Variants in NELL1 observed in about 807,000 individuals in gnomAD.
NELL1 encodes protein kinase C-binding protein NELL1.
In NELL1, 76 loss-of-function variants were observed where a neutral mutation model predicts 107.4. That is an observed-to-expected ratio of 0.71 (90% CI 0.59 to 0.86). NELL1 has a LOEUF of 0.86. NELL1 is among the 40% of genes least tolerant of loss of function. The pLI is 0.00. For missense variants in NELL1, 1,024 were observed against 1,005.5 expected, an observed-to-expected ratio of 1.02 and a Z score of -0.25; for synonymous variants, 353 against 341.2, an observed-to-expected ratio of 1.03 and a Z score of -0.38.
intron 2 of NELL1, among the ~76,000 whole-genome samples, chr11:20,749,418 A>G (rs1407194445): frequency 1.3e-5 from 2 of 151,970 alleles, no homozygotes; most frequent in East Asian, 1.9e-4. Context: ...GGGTAACACA[A>G]TGAGACCTCA....
intron 12 of NELL1, among the ~76,000 whole-genome samples, chr11:21,023,694 G>T (rs974961276): frequency 2.6e-5 from 4 of 151,898 alleles, no homozygotes; most frequent in Non-Finnish European, 4.4e-5. Context: ...AGCCCTGCTT[G>T]GCTTGTGGAG....
chr11:20,731,969 G>C (rs1218489358), intron 2 of NELL1, among the ~76,000 whole-genome samples: 1 of 152,124 alleles, frequency 6.6e-6, no homozygotes, highest in Non-Finnish European at 1.5e-5. Flanking sequence ...AAAATCACTG[G>C]TGTGCTCTCT....
At chr11:21,171,320 AAAG>A (rs982956725) in intron 13 of NELL1, among the ~76,000 whole-genome samples, 14 of 151,934 alleles carry the variant, frequency 9.2e-5, no homozygotes, top group Admixed American at 6.5e-4. Flanking sequence ...ATACACACAC[AAAG>A]AAGAAGAAGA....
chr11:20,733,269 G>A (rs1431927023), intron 2 of NELL1, among the ~76,000 whole-genome samples: 1 of 152,134 alleles, frequency 6.6e-6, no homozygotes. Flanking sequence ...ACAATTTAGC[G>A]GTCTCCTTAG....
intron 15 of NELL1, among the ~76,000 whole-genome samples, chr11:21,495,809 T>C (rs1056415711): frequency 6.6e-5 from 10 of 152,198 alleles, no homozygotes; most frequent in South Asian, 4.1e-4. Flanking sequence ...TACATCTTCT[T>C]TGGAGAAATG....
At chr11:20,743,581 T>C (rs1301071631) in intron 2 of NELL1, among the ~76,000 whole-genome samples, 2 of 152,198 alleles carry the variant, frequency 1.3e-5, no homozygotes, top group African/African-American at 2.4e-5. Flanking sequence ...AATTTGAGCC[T>C]TGAGTCTTCT....
chr11:21,078,469 C>T (rs536101101), intron 12 of NELL1, among the ~76,000 whole-genome samples: 2 of 152,062 alleles, frequency 1.3e-5, no homozygotes, highest in African/African-American at 4.8e-5. Flanking sequence ...AGGCAGAACA[C>T]ATTAAAAAGA....
intron 12 of NELL1, among the ~76,000 whole-genome samples, chr11:20,967,487 T>A (rs544609348): frequency 6.6e-6 from 1 of 152,280 alleles, no homozygotes; most frequent in East Asian, 1.9e-4. Flanking sequence ...GAGAATCAGG[T>A]ACTTTTCTCC....
chr11:21,382,492 ATTC>A, intron 15 of NELL1, among the ~76,000 whole-genome samples: 1 of 152,116 alleles, frequency 6.6e-6, no homozygotes, highest in African/African-American at 2.4e-5. Context: ...CACATGGTCC[ATTC>A]TTTTGATTTT....
At chr11:20,758,154 G>A (rs767915172) in intron 2 of NELL1, among the ~76,000 whole-genome samples, 22 of 152,074 alleles carry the variant, frequency 1.4e-4, no homozygotes, top group Non-Finnish European at 1.6e-4. Context: ...TTCAACATAC[G>A]AATTTTGGGG....
At chr11:21,382,268 T>G (rs1851632878) in intron 15 of NELL1, among the ~76,000 whole-genome samples, 1 of 151,890 alleles carries the variant, frequency 6.6e-6, no homozygotes, top group African/African-American at 2.4e-5. Flanking sequence ...TGACTAATGG[T>G]TAATGCAGGC....
At position 20,873,609 on chromosome 11, in the gene NELL1, C is replaced by T. The variant is rs142945607; in HGVS notation, c.507-11835C>T. Among the ~76,000 whole-genome samples the T allele has an allele frequency of 4.1e-4, 62 of 152,156 alleles. 2 individuals carry two copies. The highest frequency in any genetic ancestry group is 1.4e-3 in the African/African-American group (59 of 41,504). ...GGTAGATGTTGTTATTAAAGGTTTACGGATGAAGAAACAAAGGACTCAGAG... is the reference window on the plus strand; with the variant it reads ...GGTAGATGTTGTTATTAAAGGTTTATGGATGAAGAAACAAAGGACTCAGAG... On this transcript the variant is annotated intron_variant, in intron 4 of 19. Coordinates refer to ENST00000357134, the MANE Select transcript of NELL1 (RefSeq NM_006157.5).
intron 4 of NELL1, among the ~76,000 whole-genome samples, chr11:20,857,403 C>G (rs1342131386): frequency 6.6e-6 from 1 of 152,154 alleles, no homozygotes; most frequent in Non-Finnish European, 1.5e-5. Flanking sequence ...TGACATTTGG[C>G]ATAGCTGGCA....
At chr11:20,892,305 C>G (rs1464396178) in intron 5 of NELL1, among the ~76,000 whole-genome samples, 1 of 152,142 alleles carries the variant, frequency 6.6e-6, no homozygotes, top group Non-Finnish European at 1.5e-5. Flanking sequence ...TCAAGAAGTT[C>G]TTTGAAACCA....
intron 12 of NELL1, among the ~76,000 whole-genome samples, chr11:20,988,865 G>A (rs978050663): frequency 3.3e-5 from 5 of 152,058 alleles, no homozygotes; most frequent in African/African-American, 1.2e-4. Flanking sequence ...TGAGATTATA[G>A]GTATGAGCCA....
At chr11:21,423,939 G>A (rs78326204) in intron 15 of NELL1, among the ~76,000 whole-genome samples, 7,781 of 152,230 alleles carry the variant, frequency 0.051, 406 homozygotes, top group East Asian at 0.17. Context: ...GAAAACAAAA[G>A]CATAACACAC....
intron 13 of NELL1, among the ~76,000 whole-genome samples, chr11:21,191,195 AC>A (rs1857041766): frequency 6.6e-6 from 1 of 151,756 alleles, no homozygotes; most frequent in African/African-American, 2.4e-5. Flanking sequence ...TAATCAGCTG[AC>A]CCTGAGATAG....
At chr11:21,492,402 AC>A (rs1165764583) in intron 15 of NELL1, among the ~76,000 whole-genome samples, 1 of 152,060 alleles carries the variant, frequency 6.6e-6, no homozygotes, top group Non-Finnish European at 1.5e-5. Context: ...CTGGGTATAT[AC>A]CCAAAGGACT....
Position 20,755,559 on chromosome 11 carries a change from T to TTTTTTTTTATTTA in NELL1, c.185-28119_185-28118insTTTTTTATTTATT, listed in dbSNP as rs1337491294. Among the ~76,000 whole-genome samples the TTTTTTTTTATTTA allele has an allele frequency of 4.5e-4, 8 of 17,684 alleles. No individual in the cohort carries two copies. In the East Asian group the frequency reaches 7.1e-3, roughly 16 times the overall value. The allele number at this position is 17,684 out of a possible 152,430, so 11.6% of individuals were successfully genotyped here. A position where few individuals can be genotyped will look rare whatever the true frequency, so the allele number is the denominator to read the frequency against. On this transcript the variant is annotated intron_variant, in intron 2 of 19. Coordinates refer to ENST00000357134, the MANE Select transcript of NELL1 (RefSeq NM_006157.5). ...GTTTTTGTTTTTTTTTGTTTTTGTTTTTGTTTTTTTTTTTTTGAGACAGAA... is the reference window on the plus strand; with the variant it reads ...GTTTTTGTTTTTTTTTGTTTTTGTTTTTTTTTTTATTTATTGTTTTTTTTTTTTTGAGACAGAA...
Sources: gnomAD v4.1 joint callset for allele counts (sites outside exome capture counted in the v4.1 genomes callset) on GRCh38, gnomAD v4.1.1 for gene constraint, MANE v1.5 for transcripts, NCBI Gene and HGNC (gene_info 2026-07-23, HGNC 2026-07-21) for gene names.